Variants in RXRG observed in about 807,000 individuals in gnomAD.
RXRG encodes retinoic acid receptor RXR-gamma.
In RXRG, 19 loss-of-function variants were observed where a neutral mutation model predicts 49.2. The ratio of observed to expected loss-of-function variants is 0.39; its 90% confidence interval spans 0.27 to 0.57. The LOEUF (loss-of-function observed/expected upper bound fraction) is 0.57, where lower values mean the gene tolerates loss of function less well. Among genes scored for constraint, RXRG ranks in the 20% least tolerant of loss-of-function variants. The pLI is 0.64. For synonymous variants in RXRG, 224 were observed against 216.6 expected (o/e 1.03, Z -0.30); for missense variants, 452 against 592.5 (o/e 0.76, Z 2.46).
chr1:165,407,926 A>G (rs531148459), intron 8 of RXRG, among the ~76,000 whole-genome samples: 5 of 152,088 alleles, frequency 3.3e-5, no homozygotes, highest in African/African-American at 1.2e-4. Context: ...ATCCATCAGC[A>G]AATCACAGTG....
chr1:165,415,057 T>G (rs2101716704), intron 4 of RXRG, among the ~76,000 whole-genome samples: 1 of 152,282 alleles, frequency 6.6e-6, no homozygotes, highest in African/African-American at 2.4e-5. Context: ...AAGTGTTAGA[T>G]CATGATAACT....
At chr1:165,410,899 C>G (rs565624031) in intron 5 of RXRG, 50 bp downstream of exon 5, 2 of 1,613,284 alleles carry the variant, frequency 1.2e-6, no homozygotes, top group South Asian at 2.2e-5. Flanking sequence ...TCTCCCATTT[C>G]CAGCCCTACC....
chr1:165,426,049 G>A (rs1658475241), intron 2 of RXRG, among the ~76,000 whole-genome samples: 1 of 152,242 alleles, frequency 6.6e-6, no homozygotes, highest in African/African-American at 2.4e-5. Context: ...GGCTGCACAA[G>A]TCACTTGGGC....
At position 165,433,540 on chromosome 1, in the gene RXRG, T is replaced by C. The variant is rs79343296; in HGVS notation, c.50-4574A>G. ...ATGATTTTATTTGCAAAATAACTTA[T>C]CTAATGAAAAAGCGCTAGTGGAGTT... On this transcript the variant is annotated intron_variant, in intron 1 of 9. Coordinates refer to ENST00000359842, the MANE Select transcript of RXRG (RefSeq NM_006917.5). 4.4e-3 allele frequency among the ~76,000 whole-genome samples: 663 copies of C among 152,380 alleles called. 5 individuals carry two copies. Among genetic ancestry groups the C allele is most frequent in the African/African-American group, 0.015 (634 of 41,586 alleles).
chr1:165,432,662 A>G (rs996420498), intron 1 of RXRG, among the ~76,000 whole-genome samples: 3 of 152,134 alleles, frequency 2.0e-5, no homozygotes, highest in African/African-American at 7.2e-5. Context: ...ACCTGATTAT[A>G]TCTTATTTCT....
chr1:165,425,504 A>G (rs1308265016), intron 2 of RXRG, among the ~76,000 whole-genome samples: 1 of 152,150 alleles, frequency 6.6e-6, no homozygotes, highest in Non-Finnish European at 1.5e-5. Flanking sequence ...GCCCTTTGCA[A>G]AACTGTACTT....
intron 9 of RXRG, among the ~76,000 whole-genome samples, chr1:165,404,292 G>A (rs901156953): frequency 1.5e-4 from 23 of 152,304 alleles, no homozygotes; most frequent in South Asian, 2.1e-4. Context: ...AGACTATGCA[G>A]GGGACTCTGC....
At chr1:165,434,797 C>T (rs1442029957) in intron 1 of RXRG, among the ~76,000 whole-genome samples, 1 of 152,184 alleles carries the variant, frequency 6.6e-6, no homozygotes, top group Non-Finnish European at 1.5e-5. Flanking sequence ...TCTCAGACAC[C>T]TGGCTTGTTT....
chr1:165,424,801 G>A (rs1658430553), intron 2 of RXRG: 1 of 985,380 alleles, frequency 1.0e-6, no homozygotes, highest in African/African-American at 1.7e-5. Flanking sequence ...ATCCCTCTCA[G>A]ACCAGTCCTG....
rs117249418 is a variant in RXRG at position 165,425,577 on chromosome 1, C to T, written c.297+3142G>A. 2.2e-3 allele frequency among the ~76,000 whole-genome samples: 337 copies of T among 152,300 alleles called. 3 individuals are homozygous for T. The East Asian group carries it at 0.029, about 13-fold the overall frequency. On this transcript the variant is annotated intron_variant, in intron 2 of 9. Transcript: ENST00000359842. ...ACCAGATTTTACTCGCCTTCCTGGA[C>T]TCTGTTCACAGGAAAGAAAGGAAAC...
At chr1:165,444,391 T>C (rs1041080370) in intron 1 of RXRG, among the ~76,000 whole-genome samples, 1 of 152,218 alleles carries the variant, frequency 6.6e-6, no homozygotes, top group African/African-American at 2.4e-5. Context: ...ATCATGCCCT[T>C]GTTACAAAGT....
intron 2 of RXRG, chr1:165,424,746 C>T (rs1223560519): frequency 1.0e-6 from 1 of 984,822 alleles, no homozygotes; most frequent in Non-Finnish European, 1.2e-6. Context: ...CCAAATTGTA[C>T]TTACGCGAGA....
chr1:165,426,116 C>G (rs1232277995), intron 2 of RXRG, among the ~76,000 whole-genome samples: 1 of 152,188 alleles, frequency 6.6e-6, no homozygotes, highest in Non-Finnish European at 1.5e-5. Context: ...AATGAGTGAT[C>G]CTCATTTGAG....
At chr1:165,435,304 TG>T (rs1658790123) in intron 1 of RXRG, among the ~76,000 whole-genome samples, 1 of 152,228 alleles carries the variant, frequency 6.6e-6, no homozygotes, top group Admixed American at 6.5e-5. Flanking sequence ...TCCAAGGGCA[TG>T]GCATGCATCA....
At position 165,402,690 on chromosome 1, in the gene RXRG, GCA is replaced by G. The variant is rs1474151346; in HGVS notation, c.1245-1282_1245-1281del. On this transcript the variant is annotated intron_variant, in intron 9 of 9. Transcript: ENST00000359842. ...CACACATACACACATGCCCACTCAT[GCA>G]CACTTTCACATGAACTCACATGTGC... 4.0e-5 allele frequency among the ~76,000 whole-genome samples: 6 copies of G among 150,014 alleles called. No individual in the cohort carries two copies. The East Asian group carries it at 1.2e-3, about 30-fold the overall frequency.
intron 9 of RXRG, among the ~76,000 whole-genome samples, chr1:165,402,745 T>G (rs1415025894): frequency 6.6e-6 from 1 of 151,630 alleles, no homozygotes; most frequent in African/African-American, 2.4e-5. Context: ...CACACACTCA[T>G]GCACACACAC....
chr1:165,443,956 G>A (rs886484275), intron 1 of RXRG, among the ~76,000 whole-genome samples: 2 of 152,208 alleles, frequency 1.3e-5, no homozygotes, highest in Non-Finnish European at 2.9e-5. Context: ...ACTGACAAGC[G>A]ACAGGCCAGT....
chr1:165,429,082 C>T (rs908494026), intron 1 of RXRG, 116 bp from the exon 2 acceptor site: 8 of 1,136,880 alleles, frequency 7.0e-6, no homozygotes, highest in Non-Finnish European at 9.8e-6. Flanking sequence ...TTAGCCACAC[C>T]TACACACCTG....
In RXRG at chr1:165,417,162, T is replaced by G. The variant is rs2101719588; in HGVS notation, c.501A>C (p.Ile167=). The change falls in exon 4 of 10, where the codon ATA becomes ATC. Residue 167 remains isoleucine, a synonymous_variant. Coordinates refer to ENST00000359842, the MANE Select transcript of RXRG (RefSeq NM_006917.5). ...EGCKGFFKRT[I]RKDLIYTCRD... is the part of the protein sequence containing the mutation. ...GACACGTGTAGATGAGGTCCTTCCT[T>G]ATCGTCCTCTTGAAGAACCCTTTGC... The G allele has an allele frequency of 6.2e-7, 1 of 1,611,662 alleles. No homozygotes were observed. The highest frequency in any genetic ancestry group is 2.2e-5 in the East Asian group (1 of 44,698).
Sources: allele counts gnomAD v4.1 joint callset (sites outside exome capture counted in the v4.1 genomes callset), GRCh38; gene constraint gnomAD v4.1.1; transcripts MANE v1.5; gene names NCBI Gene and HGNC (gene_info 2026-07-23, HGNC 2026-07-21).